The following RABEP2 variants were observed in gnomAD, a reference collection of about 807,000 sequenced individuals.
The protein encoded by RABEP2 is rabaptin, RAB GTPase binding effector protein 2, also known as rab GTPase-binding effector protein 2.
Under a neutral mutation model 74.1 loss-of-function variants are expected in RABEP2, and 57 were observed. That is an observed-to-expected ratio of 0.77 (90% CI 0.62 to 0.96). RABEP2 has a LOEUF of 0.96. RABEP2 is among the 40% of genes least tolerant of loss of function. RABEP2 has a pLI of 0.00. For synonymous variants in RABEP2, 351 were observed against 344.0 expected, an observed-to-expected ratio of 1.02 and a Z score of -0.23; for missense variants, 692 against 756.3, an observed-to-expected ratio of 0.91 and a Z score of 1.00.
chr16:28,913,977 T>TA (rs929790636), intron 5 of RABEP2, among the ~76,000 whole-genome samples: 8 of 151,064 alleles, frequency 5.3e-5, no homozygotes, highest in Non-Finnish European at 8.8e-5. Context: ...GACAGGGTCT[T>TA]ACTATGTTGC....
At chr16:28,914,607 G>C (rs765487241) in intron 4 of RABEP2, 21 bp from the exon 5 acceptor site, 12 of 1,610,480 alleles carry the variant, frequency 7.5e-6, no homozygotes, top group Non-Finnish European at 9.3e-6. Context: ...GGGCAGGGAA[G>C]AGGCTGGGGG....
intron 1 of RABEP2, 162 bp downstream of exon 1, chr16:28,924,941 A>C (rs199773143): frequency 4.3e-6 from 4 of 929,142 alleles, no homozygotes; most frequent in Admixed American, 4.0e-5. Context: ...TGGCCGGGCC[A>C]CGCCCCCTTT....
At chr16:28,922,023 G>A (rs1481817390) in intron 2 of RABEP2, among the ~76,000 whole-genome samples, 2 of 152,120 alleles carry the variant, frequency 1.3e-5, no homozygotes, top group African/African-American at 4.8e-5. Flanking sequence ...CCAGGCTGGA[G>A]TGCAGTGGTG....
chr16:28,920,193 T>G lies in RABEP2; in HGVS notation c.275-250A>C, dbSNP rs377243141. Among the ~76,000 whole-genome samples, 185 of 151,712 alleles carry G rather than the reference T, an allele frequency of 1.2e-3. 1 individual carries two copies. In the South Asian group the frequency reaches 0.015, roughly 12 times the overall value. On this transcript the variant is annotated intron_variant, in intron 2 of 12. Coordinates refer to ENST00000358201, the MANE Select transcript of RABEP2 (RefSeq NM_024816.3). ...GCTACAGACTAAATGAGATGACATA[T>G]CTAAGATAAATAGTGTACAAAAAAA...
chr16:28,906,327 G>A (rs1964230924), intron 8 of RABEP2, 131 bp from the exon 9 acceptor site: 1 of 1,235,360 alleles, frequency 8.1e-7, no homozygotes, highest in South Asian at 1.6e-5. Flanking sequence ...CTAAAGTGGG[G>A]AAGAGCCCAA....
intron 2 of RABEP2, among the ~76,000 whole-genome samples, chr16:28,923,816 G>A (rs893530228): frequency 6.6e-6 from 1 of 152,210 alleles, no homozygotes; most frequent in Admixed American, 6.5e-5. Context: ...ACCGCAGCAG[G>A]GGCATAGCAG....
intron 8 of RABEP2, among the ~76,000 whole-genome samples, 154 bp from the exon 9 acceptor site, chr16:28,906,350 C>G (rs935951394): frequency 1.3e-5 from 2 of 152,216 alleles, no homozygotes; most frequent in African/African-American, 4.8e-5. Context: ...TGCCCATCAT[C>G]TGGGAGGAGG....
intron 2 of RABEP2, among the ~76,000 whole-genome samples, chr16:28,923,454 A>C (rs921733646): frequency 6.6e-6 from 1 of 152,086 alleles, no homozygotes; most frequent in African/African-American, 2.4e-5. Flanking sequence ...AGCTATTGTT[A>C]TTATTTAGGA....
chr16:28,922,643 T>C (rs1964482084), intron 2 of RABEP2, among the ~76,000 whole-genome samples: 1 of 151,960 alleles, frequency 6.6e-6, no homozygotes, highest in Admixed American at 6.6e-5. Flanking sequence ...GAGAATAGCA[T>C]GAACCCGGGA....
chr16:28,918,149 G>A (rs1373738568), intron 3 of RABEP2, among the ~76,000 whole-genome samples: 2 of 142,364 alleles, frequency 1.4e-5, no homozygotes, highest in African/African-American at 2.7e-5. Context: ...GCGCAATCTC[G>A]GCTCACTGCA....
chr16:28,904,515 G>A lies in RABEP2; in HGVS notation c.*428C>T. ...AGGCCTGGGTCGCCGCTGTGGACAA[G>A]CGTCTTAGTGTCATGCAGACCAGAA... On this transcript the variant is annotated 3_prime_UTR_variant, in exon 13 of 13. Transcript: ENST00000358201. 1.4e-6 allele frequency: 2 copies of A among 1,469,396 alleles called. No individual in the cohort carries two copies. The highest frequency in any genetic ancestry group is 1.8e-6 in the Non-Finnish European group (2 of 1,104,688). 91.0% of individuals were successfully genotyped at this position (1,469,396 alleles called of 1,614,324 possible).
chr16:28,909,701 C>A (rs993608337), intron 7 of RABEP2, among the ~76,000 whole-genome samples: 9 of 148,854 alleles, frequency 6.0e-5, no homozygotes, highest in African/African-American at 2.2e-4. Flanking sequence ...CCAGCCTGAG[C>A]GACAGAGCAA....
intron 3 of RABEP2, among the ~76,000 whole-genome samples, chr16:28,918,763 C>A (rs1289003805): frequency 6.6e-6 from 1 of 151,876 alleles, no homozygotes; most frequent in Non-Finnish European, 1.5e-5. Flanking sequence ...GTGATCCTCC[C>A]ATGTCAGCCT....
chr16:28,914,185 T>C, intron 5 of RABEP2, 51 bp downstream of exon 5: 1 of 1,446,310 alleles, frequency 6.9e-7, no homozygotes, highest in Non-Finnish European at 9.3e-7. Context: ...GGGGGAAGCA[T>C]CCAGCAGAGA....
At chr16:28,920,061 T>C in intron 2 of RABEP2, 118 bp from the exon 3 acceptor site, 1 of 1,200,108 alleles carries the variant, frequency 8.3e-7, no homozygotes, top group East Asian at 2.6e-5. Context: ...ACCATAGCAG[T>C]TGCCATGGCA....
intron 5 of RABEP2, among the ~76,000 whole-genome samples, chr16:28,913,922 A>G (rs1964347679): frequency 6.6e-6 from 1 of 150,852 alleles, no homozygotes; most frequent in Non-Finnish European, 1.5e-5. Context: ...CTGGGACTAC[A>G]AGTGTATACT....
rs371732294 is a variant in RABEP2 at position 28,919,826 on chromosome 16, C to T, written c.392G>A (p.Arg131Gln). The change falls in exon 3 of 13, where the codon CGG becomes CAG. Residue 131 changes from arginine to glutamine, a missense_variant. Physicochemically the swap from Arg to Gln is conservative, Grantham distance 43 (BLOSUM62 1). Coordinates refer to ENST00000358201, the MANE Select transcript of RABEP2 (RefSeq NM_024816.3). ...ELGRLKQLLS[R>Q]AYPLDSLEKQ... ...CTCCAGGGAGTCCAGGGGGTAGGCC[C>T]GGGACAGCAGCTGCTTCAGGCGGCC... 93 of 1,611,752 alleles carry T rather than the reference C, an allele frequency of 5.8e-5. No homozygotes were observed. Among genetic ancestry groups the T allele is most frequent in the East Asian group, 1.1e-4 (5 of 44,868 alleles).
chr16:28,925,048 C>T (rs1964516804), intron 1 of RABEP2, 55 bp downstream of exon 1: 1 of 1,522,756 alleles, frequency 6.6e-7, no homozygotes, highest in Non-Finnish European at 8.8e-7. Context: ...GTGGCTGGCT[C>T]GGCCCCGCCC....
intron 5 of RABEP2, among the ~76,000 whole-genome samples, chr16:28,913,436 A>G (rs968409999): frequency 1.3e-5 from 2 of 152,084 alleles, no homozygotes; most frequent in Admixed American, 6.6e-5. Flanking sequence ...TCTTTACCAC[A>G]TAATTTACCC....
Sources: allele counts gnomAD v4.1 joint callset (sites outside exome capture counted in the v4.1 genomes callset), GRCh38; gene constraint gnomAD v4.1.1; transcripts MANE v1.5; gene names NCBI Gene and HGNC (gene_info 2026-07-23, HGNC 2026-07-21).